The following SLC25A48 variants were observed in gnomAD, a reference collection of about 807,000 sequenced individuals.
SLC25A48 encodes solute carrier family 25 member 48.
SLC25A48 carries 29 observed loss-of-function variants against 32.2 expected under a neutral mutation model. That is an observed-to-expected ratio of 0.90 (90% CI 0.67 to 1.23). The LOEUF (loss-of-function observed/expected upper bound fraction) is 1.23, where lower values mean the gene tolerates loss of function less well. Ranked by LOEUF, SLC25A48 falls within the 50% of genes most tolerant of loss-of-function variation. SLC25A48 has a pLI of 0.00. For missense variants in SLC25A48, 399 were observed against 422.7 expected, an observed-to-expected ratio of 0.94 and a Z score of 0.49; for synonymous variants, 164 against 172.3, an observed-to-expected ratio of 0.95 and a Z score of 0.38.
Position 135,762,739 on chromosome 5 carries a change from C to A in SLC25A48, c.-520-49784C>A, listed in dbSNP as rs113884960. Among the ~76,000 whole-genome samples, 1,173 of 152,006 alleles carry A rather than the reference C, an allele frequency of 7.7e-3. 18 individuals carry two copies. Among genetic ancestry groups the A allele is most frequent in the African/African-American group, 0.027 (1,125 of 41,436 alleles). On this transcript the variant is annotated intron_variant, in intron 3 of 10. Transcript: ENST00000646290. Reference sequence around the variant, plus strand: ...TGTGTAAGTTGAATATGAGTGTGTGCATATGCAAATACAAATTGAGCATGT... The same window carrying A: ...TGTGTAAGTTGAATATGAGTGTGTGAATATGCAAATACAAATTGAGCATGT...
chr5:135,667,561 A>C (rs192544420), intron 3 of SLC25A48, among the ~76,000 whole-genome samples: 39 of 150,834 alleles, frequency 2.6e-4, no homozygotes, highest in Admixed American at 2.0e-3. Context: ...TCTCTTAAAA[A>C]CCCCCTACTC....
At chr5:135,781,139 CT>C (rs1422591778) in intron 3 of SLC25A48, among the ~76,000 whole-genome samples, 1 of 116,284 alleles carries the variant, frequency 8.6e-6, no homozygotes, top group African/African-American at 2.6e-5. Context: ...GTATATCCCC[CT>C]GTGATATTGT....
intron 2 of SLC25A48, among the ~76,000 whole-genome samples, chr5:135,847,290 A>G (rs1383293033): frequency 6.6e-6 from 1 of 152,158 alleles, no homozygotes; most frequent in African/African-American, 2.4e-5. Context: ...CCTGGTCAAG[A>G]GCTTGGACTA....
chr5:135,581,688 G>A (rs564558943), intron 1 of SLC25A48, among the ~76,000 whole-genome samples: 7 of 152,312 alleles, frequency 4.6e-5, no homozygotes, highest in South Asian at 2.1e-4. Flanking sequence ...GAGGTCAGAC[G>A]TCCCAGTGTT....
At chr5:135,612,161 T>A (rs1483856161) in intron 1 of SLC25A48, among the ~76,000 whole-genome samples, 2 of 152,238 alleles carry the variant, frequency 1.3e-5, no homozygotes, top group African/African-American at 2.4e-5. Context: ...GGACAAATTT[T>A]AAAAATTACA....
chr5:135,592,233 C>T (rs1751543911), intron 1 of SLC25A48, among the ~76,000 whole-genome samples: 1 of 152,196 alleles, frequency 6.6e-6, no homozygotes, highest in Non-Finnish European at 1.5e-5. Context: ...GAAACATGAG[C>T]TGATGTGCCA....
intron 3 of SLC25A48, among the ~76,000 whole-genome samples, chr5:135,810,725 C>T (rs1757573221): frequency 6.6e-6 from 1 of 152,188 alleles, no homozygotes; most frequent in South Asian, 2.1e-4. Flanking sequence ...TTGATATTCT[C>T]ATTCGAGGCA....
At chr5:135,766,889 G>A (rs140742856) in intron 3 of SLC25A48, among the ~76,000 whole-genome samples, 163 of 151,844 alleles carry the variant, frequency 1.1e-3, no homozygotes, top group African/African-American at 3.7e-3. Flanking sequence ...CCCAATATCA[G>A]GGGGTGTGTA....
At chr5:135,779,633 T>C (rs533501381) in intron 3 of SLC25A48, among the ~76,000 whole-genome samples, 1 of 115,200 alleles carries the variant, frequency 8.7e-6, no homozygotes, top group African/African-American at 2.6e-5. Flanking sequence ...TATCCAGAAG[T>C]GGAGAGGATG....
chr5:135,616,391 G>A (rs1213701359), intron 1 of SLC25A48, among the ~76,000 whole-genome samples: 1 of 152,214 alleles, frequency 6.6e-6, no homozygotes, highest in African/African-American at 2.4e-5. Flanking sequence ...AAGGCCTTGG[G>A]AAAATACTCC....
intron 1 of SLC25A48, chr5:135,835,201 G>T (rs747415016): frequency 1.7e-5 from 10 of 603,386 alleles, no homozygotes; most frequent in Middle Eastern, 5.3e-4. Flanking sequence ...GGCTCCTGGC[G>T]GCGCACACAC....
At chr5:135,799,960 A>T (rs1207956247) in intron 3 of SLC25A48, among the ~76,000 whole-genome samples, 1 of 151,794 alleles carries the variant, frequency 6.6e-6, no homozygotes, top group Non-Finnish European at 1.5e-5. Flanking sequence ...AGATAAGAAG[A>T]GAATATCACT....
chr5:135,653,184 C>T (rs1490870567), intron 3 of SLC25A48, among the ~76,000 whole-genome samples: 2 of 152,176 alleles, frequency 1.3e-5, no homozygotes, highest in Admixed American at 6.5e-5. Context: ...TTATAAATTA[C>T]TCAGTTTCAG....
At chr5:135,840,019 C>T (rs1758857723) in intron 1 of SLC25A48, among the ~76,000 whole-genome samples, 1 of 152,192 alleles carries the variant, frequency 6.6e-6, no homozygotes, top group East Asian at 1.9e-4. Context: ...TTGATAGCAG[C>T]ATGAGAACAA....
chr5:135,679,644 G>C (rs1359994790), intron 3 of SLC25A48, among the ~76,000 whole-genome samples: 1 of 152,226 alleles, frequency 6.6e-6, no homozygotes, highest in Non-Finnish European at 1.5e-5. Flanking sequence ...GGGCCAGTGA[G>C]GTATTTGCCA....
chr5:135,867,803 A>T (rs1761319698), intron 4 of SLC25A48, among the ~76,000 whole-genome samples: 1 of 152,210 alleles, frequency 6.6e-6, no homozygotes, highest in Non-Finnish European at 1.5e-5. Flanking sequence ...ACCTTTGATG[A>T]CATTCTGCTC....
chr5:135,721,240 C>T (rs1335404784), intron 3 of SLC25A48, among the ~76,000 whole-genome samples: 3 of 80,526 alleles, frequency 3.7e-5, no homozygotes, highest in East Asian at 6.8e-4. Context: ...CTTGCTCTGT[C>T]GCCCAGGCTG....
chr5:135,847,390 C>T (rs1011386978), intron 2 of SLC25A48, among the ~76,000 whole-genome samples: 3 of 152,074 alleles, frequency 2.0e-5, no homozygotes, highest in Non-Finnish European at 2.9e-5. Flanking sequence ...ATGAACAAAA[C>T]GAGGGGGCCA....
chr5:135,630,877 C>T (rs1424263272), intron 2 of SLC25A48, among the ~76,000 whole-genome samples: 1 of 152,092 alleles, frequency 6.6e-6, no homozygotes, highest in African/African-American at 2.4e-5. Flanking sequence ...GCTGGGATTA[C>T]AGGCATGAGC....
Sources: gnomAD v4.1 joint callset for allele counts (sites outside exome capture counted in the v4.1 genomes callset) on GRCh38, gnomAD v4.1.1 for gene constraint, MANE v1.5 for transcripts, NCBI Gene and HGNC (gene_info 2026-07-23, HGNC 2026-07-21) for gene names.